MYO18B: variants seen among roughly 807,000 people sequenced by gnomAD.
The protein encoded by MYO18B is unconventional myosin-XVIIIb.
Under a neutral mutation model 273.0 loss-of-function variants are expected in MYO18B, and 204 were observed. That is an observed-to-expected ratio of 0.75 (90% CI 0.67 to 0.84). The LOEUF is 0.84. Ranked by LOEUF, MYO18B falls within the 40% of genes least tolerant of loss-of-function variation. The probability of loss-of-function intolerance (pLI) is 0.00; values close to 1 mark genes in which losing one functional copy is unlikely to be tolerated. For missense variants in MYO18B, 3,212 were observed against 3,287.6 expected (o/e 0.98, Z 0.56); for synonymous variants, 1,330 against 1,305.7 (o/e 1.02, Z -0.40).
At chr22:25,832,156 G>A (rs993650256) in intron 15 of MYO18B, among the ~76,000 whole-genome samples, 6 of 152,220 alleles carry the variant, frequency 3.9e-5, no homozygotes, top group Middle Eastern at 3.4e-3. Context: ...AGTATTGGTG[G>A]GAATGTAAAA....
chr22:25,774,109 G>A (rs1173938425), intron 7 of MYO18B, among the ~76,000 whole-genome samples: 1 of 152,150 alleles, frequency 6.6e-6, no homozygotes, highest in Non-Finnish European at 1.5e-5. Flanking sequence ...GGCCCTGTGG[G>A]ACAAATCCAT....
At chr22:26,035,082 G>C (rs1936752590), downstream of MYO18B, among the ~76,000 whole-genome samples, 1 of 152,204 alleles carries the variant, frequency 6.6e-6, no homozygotes, top group African/African-American at 2.4e-5. Context: ...TCATCCTTCT[G>C]TGTCTGCATG....
chr22:25,946,762 G>T (rs1055319343), intron 35 of MYO18B, among the ~76,000 whole-genome samples: 4 of 152,148 alleles, frequency 2.6e-5, no homozygotes, highest in African/African-American at 9.7e-5. Flanking sequence ...GATGGAACTT[G>T]TTCCTTATTG....
intron 39 of MYO18B, among the ~76,000 whole-genome samples, chr22:25,976,447 A>G (rs1440459076): frequency 6.6e-6 from 1 of 152,208 alleles, no homozygotes; most frequent in Non-Finnish European, 1.5e-5. Context: ...ACTTTCCACT[A>G]CTTTGAGATG....
chr22:25,783,170 C>T (rs144618647), intron 10 of MYO18B, among the ~76,000 whole-genome samples: 79 of 152,306 alleles, frequency 5.2e-4, no homozygotes, highest in Middle Eastern at 6.8e-3. Flanking sequence ...TGCCTTGATA[C>T]CCCTGACAGG....
At chr22:25,799,213 C>A (rs2088074739) in intron 12 of MYO18B, among the ~76,000 whole-genome samples, 5 of 150,972 alleles carry the variant, frequency 3.3e-5, no homozygotes, top group Admixed American at 3.3e-4. Context: ...CTCCTCCTAC[C>A]CATTCTCATC....
intron 12 of MYO18B, among the ~76,000 whole-genome samples, chr22:25,799,190 G>C (rs1190842785): frequency 1.3e-5 from 2 of 149,212 alleles, no homozygotes. Context: ...CCTCCTTGCT[G>C]ATACCTGCAT....
intron 27 of MYO18B, among the ~76,000 whole-genome samples, chr22:25,893,927 A>G (rs777131603): frequency 6.6e-6 from 1 of 150,808 alleles, no homozygotes; most frequent in Non-Finnish European, 1.5e-5. Flanking sequence ...GTCTACACTA[A>G]CATCCATCCA....
At chr22:25,997,984 A>ACAC in intron 40 of MYO18B, among the ~76,000 whole-genome samples, 1 of 144,908 alleles carries the variant, frequency 6.9e-6, no homozygotes, top group African/African-American at 2.6e-5. Flanking sequence ...CACACGAGAG[A>ACAC]GAGAGAGAGA....
At chr22:25,937,225 T>A (rs1200110585) in intron 34 of MYO18B, among the ~76,000 whole-genome samples, 3 of 151,470 alleles carry the variant, frequency 2.0e-5, no homozygotes, top group Non-Finnish European at 4.4e-5. Flanking sequence ...CTGGGATTAA[T>A]GGGTGTGCAC....
At position 26,023,092 on chromosome 22, in the gene MYO18B, C is replaced by T. The variant is rs576380473; in HGVS notation, c.6471-3353C>T. ...CTCTGTTTCCCCTCTCTCCTTCTTGCGTTTGCCTAAGTCTCCTTCCTTCTT... is the reference window on the plus strand; with the variant it reads ...CTCTGTTTCCCCTCTCTCCTTCTTGTGTTTGCCTAAGTCTCCTTCCTTCTT... On this transcript the variant is annotated intron_variant, in intron 42 of 43. Transcript: ENST00000335473. 1.5e-3 allele frequency among the ~76,000 whole-genome samples: 234 copies of T among 152,218 alleles called. 4 individuals carry two copies. The highest frequency in any genetic ancestry group is 4.7e-4 in the Non-Finnish European group (32 of 68,046).
At chr22:25,862,486 A>G (rs1327807847) in intron 21 of MYO18B, among the ~76,000 whole-genome samples, 2 of 152,210 alleles carry the variant, frequency 1.3e-5, no homozygotes, top group Non-Finnish European at 2.9e-5. Context: ...CCTTTAATGT[A>G]AGTGAAACAG....
At chr22:26,051,216 CTTTTTTTTTTTTTT>C in the MYO18B span, among the ~76,000 whole-genome samples, 1 of 92,586 alleles carries the variant, frequency 1.1e-5, no homozygotes, top group Non-Finnish European at 1.9e-5. Context: ...TAATTGGTCC[CTTTTTTTTTTTTTT>C]TTTTTTTTTT....
At position 25,835,427 on chromosome 22, in the gene MYO18B, A is replaced by G. The variant is rs1372708456; in HGVS notation, c.3192A>G (p.Lys1064=). The G allele has an allele frequency of 1.9e-6, 3 of 1,613,906 alleles. No individual in the cohort carries two copies. In the South Asian group the frequency reaches 3.3e-5, roughly 18 times the overall value. Residue 1064 remains lysine (K), a synonymous_variant, in exon 17 of 44, where the codon AAA becomes AAG. Transcript: ENST00000335473. ...GTCTGTGTGCTGCTTTCGAGAAGAAAGGAGCTGGGACTGAAGGTAAGGAAG... is the reference window on the plus strand; with the variant it reads ...GTCTGTGTGCTGCTTTCGAGAAGAAGGGAGCTGGGACTGAAGGTAAGGAAG... ...LERLCAAFEK[K]GAGTEGSSAL... is the part of the protein sequence containing the mutation.
At chr22:25,881,063 A>G (rs1268423660) in intron 25 of MYO18B, among the ~76,000 whole-genome samples, 1 of 152,230 alleles carries the variant, frequency 6.6e-6, no homozygotes, top group Non-Finnish European at 1.5e-5. Context: ...GTAACTGTAA[A>G]TGGATTTATG....
At chr22:25,777,360 A>G (rs1008743115) in intron 7 of MYO18B, among the ~76,000 whole-genome samples, 5 of 152,192 alleles carry the variant, frequency 3.3e-5, no homozygotes, top group Admixed American at 1.3e-4. Flanking sequence ...CTAGGTTCAG[A>G]AAACAGGCAT....
rs777658448 is a variant in MYO18B at position 25,947,861 on chromosome 22, G to C, written c.5748+33G>C. ...ATGAGACCTTGGTGGAAGAAGCTCA[G>C]GGACTTGGGGTGGGGTGAATGGGGA... On this transcript the variant is annotated intron_variant, in intron 36 of 43. Coordinates refer to ENST00000335473, the MANE Select transcript of MYO18B (RefSeq NM_032608.7). 9.1e-6 allele frequency: 14 copies of C among 1,542,412 alleles called. No individual in the cohort carries two copies. In the South Asian group the frequency reaches 1.5e-4, roughly 16 times the overall value.
intron 34 of MYO18B, among the ~76,000 whole-genome samples, chr22:25,943,880 C>A (rs547795070): frequency 2.0e-5 from 3 of 151,852 alleles, no homozygotes; most frequent in Admixed American, 6.6e-5. Flanking sequence ...CCACCATACC[C>A]GGCTAATTTT....
chr22:25,944,704 G>A (rs184250806), intron 34 of MYO18B, among the ~76,000 whole-genome samples: 7 of 152,146 alleles, frequency 4.6e-5, no homozygotes, highest in Admixed American at 2.6e-4. Flanking sequence ...AAAATTAGCC[G>A]TGCATGGTGG....
Sources: allele counts gnomAD v4.1 joint callset (sites outside exome capture counted in the v4.1 genomes callset), GRCh38; gene constraint gnomAD v4.1.1; transcripts MANE v1.5; gene names NCBI Gene and HGNC (gene_info 2026-07-23, HGNC 2026-07-21).